The following ZFP64 variants were observed in gnomAD, a reference collection of about 807,000 sequenced individuals.
The protein encoded by ZFP64 is ZFP64 zinc finger protein, also known as zinc finger protein 64.
In ZFP64, 14 loss-of-function variants were observed where a neutral mutation model predicts 51.6. That is an observed-to-expected ratio of 0.27 (90% CI 0.18 to 0.42). The LOEUF is 0.42. ZFP64 is among the 10% of genes least tolerant of loss of function. The probability of loss-of-function intolerance (pLI) is 1.00; values close to 1 mark genes in which losing one functional copy is unlikely to be tolerated. For synonymous variants in ZFP64, 375 were observed against 361.4 expected, an observed-to-expected ratio of 1.04 and a Z score of -0.43; for missense variants, 754 against 906.8, an observed-to-expected ratio of 0.83 and a Z score of 2.16.
intron 5 of ZFP64, among the ~76,000 whole-genome samples, chr20:52,107,466 C>T (rs1008883025): frequency 2.0e-5 from 3 of 152,236 alleles, no homozygotes; most frequent in South Asian, 2.1e-4. Flanking sequence ...TATATGGCCT[C>T]CTGATGTCCC....
chr20:52,111,194 T>A (rs1299041293), intron 5 of ZFP64: 1 of 554,798 alleles, frequency 1.8e-6, no homozygotes, highest in Non-Finnish European at 3.1e-6. Context: ...AAGTCAGCGG[T>A]CAATTTTTTT....
chr20:52,126,674 C>A (rs1018947292), intron 5 of ZFP64, among the ~76,000 whole-genome samples: 4 of 152,132 alleles, frequency 2.6e-5, no homozygotes, highest in African/African-American at 7.2e-5. Flanking sequence ...TACATGGTAA[C>A]TTAGATTTGG....
downstream of ZFP64, among the ~76,000 whole-genome samples, chr20:52,149,261 G>C (rs1320958078): frequency 1.4e-5 from 2 of 140,288 alleles, no homozygotes; most frequent in Non-Finnish European, 3.0e-5. Flanking sequence ...TTACACTTTT[G>C]AATCTACTTA....
intron 5 of ZFP64, among the ~76,000 whole-genome samples, chr20:52,099,747 T>C (rs1157509295): frequency 6.6e-6 from 1 of 152,184 alleles, no homozygotes; most frequent in Non-Finnish European, 1.5e-5. Context: ...TAAGGAGAAA[T>C]GAGATTGACC....
chr20:52,133,450 G>GA (rs1360871626), intron 5 of ZFP64, among the ~76,000 whole-genome samples: 1 of 151,452 alleles, frequency 6.6e-6, no homozygotes, highest in Non-Finnish European at 1.5e-5. Context: ...CTTATATTTG[G>GA]AAAAACCTAA....
intron 6 of ZFP64, chr20:52,098,351 A>T: frequency 6.5e-7 from 1 of 1,545,262 alleles, no homozygotes; most frequent in East Asian, 2.3e-5. Context: ...CAAGAGTAAC[A>T]TGAGCAGGCA....
intron 5 of ZFP64, among the ~76,000 whole-genome samples, chr20:52,137,949 G>A (rs761880688): frequency 1.3e-5 from 2 of 152,014 alleles, no homozygotes; most frequent in African/African-American, 2.4e-5. Flanking sequence ...GCAAAAGCGA[G>A]CAGATTGCTT....
intron 7 of ZFP64, among the ~76,000 whole-genome samples, chr20:52,090,592 A>G (rs2122711466): frequency 6.6e-6 from 1 of 152,102 alleles, no homozygotes; most frequent in East Asian, 1.9e-4. Context: ...TGAAGTCAGG[A>G]GTTCGAGACC....
At chr20:52,106,865 G>A (rs1332799228) in intron 5 of ZFP64, among the ~76,000 whole-genome samples, 1 of 152,184 alleles carries the variant, frequency 6.6e-6, no homozygotes, top group African/African-American at 2.4e-5. Context: ...GGGAGGCCGA[G>A]GTGGGCGGAT....
chr20:52,107,927 G>T (rs1464199838), intron 5 of ZFP64, among the ~76,000 whole-genome samples: 1 of 152,216 alleles, frequency 6.6e-6, no homozygotes, highest in Non-Finnish European at 1.5e-5. Context: ...CCCTAGCAAG[G>T]TATAAGAAAT....
exon 9 of ZFP64, chr20:52,084,512 G>A (rs773628075): frequency 6.4e-7 from 1 of 1,560,400 alleles, no homozygotes; most frequent in East Asian, 2.2e-5. Context: ...CTGGGCAACA[G>A]CACTGGTCAG....
Position 52,152,665 on chromosome 20 carries a change from G to A in ZFP64, c.1527C>T (p.Asn509=). 1 of 1,539,878 alleles carries A rather than the reference G, an allele frequency of 6.5e-7. No homozygotes were observed. Among genetic ancestry groups the A allele is most frequent in the African/African-American group, 1.4e-5 (1 of 73,226 alleles). Residue 509 remains asparagine (N), a synonymous_variant, in exon 6 of 6, where the codon AAC becomes AAT. Coordinates refer to ENST00000216923, the MANE Select transcript of ZFP64 (RefSeq NM_018197.3). Reference sequence around the variant, plus strand: ...CAGCGGCGGCAGCCTGGACGATGGTGTTCGCCTGGGGCACCTGATGCCCAA... The same window carrying A: ...CAGCGGCGGCAGCCTGGACGATGGTATTCGCCTGGGGCACCTGATGCCCAA... The part of the protein sequence containing the change: ...IIVGHQVPQA[N]TIVQAAAAAV...
intron 1 of ZFP64, among the ~76,000 whole-genome samples, chr20:52,187,515 A>C (rs1236260705): frequency 6.6e-6 from 1 of 152,020 alleles, no homozygotes; most frequent in Non-Finnish European, 1.5e-5. Context: ...CTAGCTACTC[A>C]GGAGGCTGAG....
At chr20:52,089,693 A>G (rs1314745533) in intron 7 of ZFP64, among the ~76,000 whole-genome samples, 1 of 150,922 alleles carries the variant, frequency 6.6e-6, no homozygotes, top group Non-Finnish European at 1.5e-5. Context: ...GTGAGCACAG[A>G]TCGTGCCACT....
At chr20:52,106,374 C>T (rs138509847) in intron 5 of ZFP64, among the ~76,000 whole-genome samples, 2 of 152,236 alleles carry the variant, frequency 1.3e-5, no homozygotes, top group Admixed American at 1.3e-4. Context: ...CCAAGCTTGC[C>T]CGAACCTGAG....
At chr20:52,097,518 C>T in intron 6 of ZFP64, 1 of 1,296,194 alleles carries the variant, frequency 7.7e-7, no homozygotes. Flanking sequence ...GCAGTGGCTC[C>T]ATCTCGGCTC....
chr20:52,107,283 G>T (rs1488800436), intron 5 of ZFP64, among the ~76,000 whole-genome samples: 1 of 152,096 alleles, frequency 6.6e-6, no homozygotes. Flanking sequence ...TTTCACCTCA[G>T]GTGTACACAA....
chr20:52,115,043 A>C (rs1978788744), intron 5 of ZFP64, among the ~76,000 whole-genome samples: 1 of 152,022 alleles, frequency 6.6e-6, no homozygotes, highest in African/African-American at 2.4e-5. Context: ...CAAAAATACA[A>C]AAACAAAAAA....
rs1225350990 is a variant in ZFP64 at position 52,152,221 on chromosome 20, G to C, written c.1971C>G (p.Pro657=). 24 of 1,614,096 alleles carry C rather than the reference G, an allele frequency of 1.5e-5. No individual in the cohort carries two copies. Among genetic ancestry groups the C allele is most frequent in the Non-Finnish European group, 1.9e-5 (23 of 1,180,026 alleles). Residue 657 remains proline (P), a synonymous_variant, in exon 6 of 6, where the codon CCC becomes CCG. Coordinates refer to ENST00000216923, the MANE Select transcript of ZFP64 (RefSeq NM_018197.3). ...CTTGAATGATGGAGTAGGTCTGCTT[G>C]GGTAGTTCTTGCTGGGAAGAGGAGG... The part of the protein sequence containing the change: ...VFSSSSQQEL[P]KQTYSIIQGA...
Sources: gnomAD v4.1 joint callset for allele counts (sites outside exome capture counted in the v4.1 genomes callset) on GRCh38, gnomAD v4.1.1 for gene constraint, MANE v1.5 for transcripts, NCBI Gene and HGNC (gene_info 2026-07-23, HGNC 2026-07-21) for gene names.